The following PCDHGB7 variants were observed in gnomAD, a reference collection of about 807,000 sequenced individuals.
PCDHGB7 encodes protocadherin gamma-B7.
PCDHGB7 carries 37 observed loss-of-function variants against 61.4 expected under a neutral mutation model. The ratio of observed to expected loss-of-function variants is 0.60; its 90% confidence interval spans 0.46 to 0.79. The LOEUF is 0.79. PCDHGB7 is among the 30% of genes least tolerant of loss of function. The pLI is 0.00. For missense variants in PCDHGB7, 1,166 were observed against 1,202.5 expected (o/e 0.97, Z 0.45); for synonymous variants, 464 against 503.5 (o/e 0.92, Z 1.05).
chr5:141,421,227 C>T (rs1387397967), intron 1 of PCDHGB7: 1 of 1,587,020 alleles, frequency 6.3e-7, no homozygotes, highest in Non-Finnish European at 8.6e-7. Context: ...TAGAGCCTGC[C>T]ATGGCGAATC....
At chr5:141,422,501 CCA>C in intron 1 of PCDHGB7, 1 of 1,613,928 alleles carries the variant, frequency 6.2e-7, no homozygotes, top group African/African-American at 1.3e-5. Flanking sequence ...ACGTTGACAG[CCA>C]CAGACCAGGG....
chr5:141,476,306 C>T lies in PCDHGB7; in HGVS notation c.2416-18501C>T, dbSNP rs1011265476. The T allele has an allele frequency of 1.2e-6, 2 of 1,613,464 alleles. No homozygotes were observed. Among genetic ancestry groups the T allele is most frequent in the African/African-American group, 2.7e-5 (2 of 74,688 alleles). On this transcript the variant is annotated intron_variant, in intron 1 of 3. Transcript: ENST00000398594. The surrounding 1 kb of genome is among the most constrained non-coding windows in gnomAD (Gnocchi z 7.6). ...TTTGGATCTCGGTAGCCTCTCAGCCCGCAGGTTCCGGGTGGTGTCTGGAGC... is the reference window on the plus strand; with the variant it reads ...TTTGGATCTCGGTAGCCTCTCAGCCTGCAGGTTCCGGGTGGTGTCTGGAGC...
chr5:141,486,522 A>G lies in PCDHGB7; in HGVS notation c.2416-8285A>G. 1 of 1,614,174 alleles carries G rather than the reference A, an allele frequency of 6.2e-7. No homozygotes were observed. Among genetic ancestry groups the G allele is most frequent in the Non-Finnish European group, 8.5e-7 (1 of 1,180,024 alleles). On this transcript the variant is annotated intron_variant, in intron 1 of 3. Transcript: ENST00000398594. The surrounding 1 kb of genome is among the most constrained non-coding windows in gnomAD (Gnocchi z 5.0). The stretch of plus-strand genomic sequence containing the variant: ...TTCCTCAATATTTCAGATGTGAATG[A>G]TAATCCACCCTCTTTCTTTCAGAGG...
intron 2 of PCDHGB7, among the ~76,000 whole-genome samples, chr5:141,497,642 C>T (rs1426920174): frequency 1.3e-5 from 2 of 151,352 alleles, no homozygotes; most frequent in Middle Eastern, 3.4e-3. Context: ...CAGGTTCAAG[C>T]GATTCTCCTG....
chr5:141,489,348 G>T lies in PCDHGB7; in HGVS notation c.2416-5459G>T. On this transcript the variant is annotated intron_variant, in intron 1 of 3. Coordinates refer to ENST00000398594, the MANE Select transcript of PCDHGB7 (RefSeq NM_018927.4). The surrounding 1 kb of genome is among the most constrained non-coding windows in gnomAD (Gnocchi z 4.5). ...CTGGGCAGCTTCGTTACTCAGTGGT[G>T]GAGGAGTCTGAGCCGGGGACGCTGG... is the stretch of plus-strand genomic sequence containing the variant. 1 of 1,611,876 alleles carries T rather than the reference G, an allele frequency of 6.2e-7. No homozygotes were observed. The highest frequency in any genetic ancestry group is 8.5e-7 in the Non-Finnish European group (1 of 1,178,502).
chr5:141,478,637 G>A (rs1227108157), intron 1 of PCDHGB7: 2 of 1,552,684 alleles, frequency 1.3e-6, no homozygotes, highest in Non-Finnish European at 1.7e-6. Context: ...TTTTAGTGAT[G>A]AAGATGTTTT....
At chr5:141,478,396 G>GT in intron 1 of PCDHGB7, 1 of 1,613,564 alleles carries the variant, frequency 6.2e-7, no homozygotes, top group Non-Finnish European at 8.5e-7. Flanking sequence ...ACCATCAGGT[G>GT]TATCTCACCA....
intron 1 of PCDHGB7, among the ~76,000 whole-genome samples, chr5:141,451,391 T>C (rs928399948): frequency 6.6e-6 from 1 of 152,162 alleles, no homozygotes; most frequent in Non-Finnish European, 1.5e-5. Context: ...ACATAGTTAA[T>C]GGCAAAATTA....
chr5:141,446,289 G>T (rs1333286399), intron 1 of PCDHGB7, among the ~76,000 whole-genome samples: 1 of 152,112 alleles, frequency 6.6e-6, no homozygotes, highest in Non-Finnish European at 1.5e-5. Flanking sequence ...GATAAATGGG[G>T]AGCAGGGATT....
chr5:141,490,565 T>C lies in PCDHGB7; in HGVS notation c.2416-4242T>C. ...CTACACAAACATCTCACCATCAGGC[T>C]CAACATTTCAGATGTCAATGACAAT... On this transcript the variant is annotated intron_variant, in intron 1 of 3. Coordinates refer to ENST00000398594, the MANE Select transcript of PCDHGB7 (RefSeq NM_018927.4). This position sits in a 1 kb window ranked among gnomAD's most constrained non-coding sequence, Gnocchi z 5.4. 8 of 1,614,116 alleles carry C rather than the reference T, an allele frequency of 5.0e-6. No individual in the cohort carries two copies. Among genetic ancestry groups the C allele is most frequent in the Non-Finnish European group, 6.8e-6 (8 of 1,180,024 alleles).
chr5:141,476,196 A>G lies in PCDHGB7; in HGVS notation c.2416-18611A>G, dbSNP rs2099386612. The G allele has an allele frequency of 6.2e-7, 1 of 1,613,852 alleles. No individual in the cohort carries two copies. Among genetic ancestry groups the G allele is most frequent in the South Asian group, 1.1e-5 (1 of 91,074 alleles). ...GTTTTGCTTCTGCTTGGTGCCTTGA[A>G]CAAGGCTTCCACGGTCATTCACTAT... On this transcript the variant is annotated intron_variant, in intron 1 of 3. Coordinates refer to ENST00000398594, the MANE Select transcript of PCDHGB7 (RefSeq NM_018927.4). This position sits in a 1 kb window ranked among gnomAD's most constrained non-coding sequence, Gnocchi z 7.6.
chr5:141,476,071 T>A lies in PCDHGB7; in HGVS notation c.2416-18736T>A. On this transcript the variant is annotated intron_variant, in intron 1 of 3. Transcript: ENST00000398594. The surrounding 1 kb of genome is among the most constrained non-coding windows in gnomAD (Gnocchi z 7.6). ...CCGCTGAAAGTTTCTCAGCGAAATC[T>A]CAGGGACGATCTGGACCCCGCTGAG... 6.6e-7 allele frequency: 1 copy of A among 1,522,792 alleles called. No individual in the cohort carries two copies. The highest frequency in any genetic ancestry group is 8.8e-7 in the Non-Finnish European group (1 of 1,142,680). 94.3% of individuals were successfully genotyped at this position (1,522,792 alleles called of 1,614,324 possible).
intron 1 of PCDHGB7, among the ~76,000 whole-genome samples, chr5:141,466,637 A>G (rs944728391): frequency 1.1e-4 from 16 of 152,234 alleles, no homozygotes; most frequent in Admixed American, 8.5e-4. Flanking sequence ...CATTGTCTCC[A>G]TAAACTTTTC....
intron 1 of PCDHGB7, chr5:141,423,815 C>G (rs1002418139): frequency 7.9e-7 from 1 of 1,271,358 alleles, no homozygotes; most frequent in African/African-American, 1.6e-5. Context: ...GTGAGTTTTA[C>G]TTTGCCTTTC....
intron 1 of PCDHGB7, among the ~76,000 whole-genome samples, chr5:141,439,380 G>C (rs1324859898): frequency 6.6e-6 from 1 of 152,158 alleles, no homozygotes; most frequent in East Asian, 1.9e-4. Flanking sequence ...ATAAAAATAA[G>C]TCATCACTTC....
chr5:141,428,173 C>G, intron 1 of PCDHGB7: 1 of 1,514,730 alleles, frequency 6.6e-7, no homozygotes. Context: ...CTGTGCGTGA[C>G]GGAGGACAGC....
rs762530904 is a variant in PCDHGB7, at chr5:141,422,966, C to T, written c.2415+2692C>T. The T allele has an allele frequency of 2.5e-6, 4 of 1,614,112 alleles. No individual in the cohort carries two copies. The East Asian group carries it at 8.9e-5, about 36-fold the overall frequency. ...GGCTCCACTGGCGTGGAGCTGGCGC[C>T]CCGCTCTGCGGAACCTGGCTACCTG... On this transcript the variant is annotated intron_variant, in intron 1 of 3. Coordinates refer to ENST00000398594, the MANE Select transcript of PCDHGB7 (RefSeq NM_018927.4).
chr5:141,442,697 G>C (rs1443734141), intron 1 of PCDHGB7, among the ~76,000 whole-genome samples: 2 of 152,258 alleles, frequency 1.3e-5, no homozygotes, highest in East Asian at 1.9e-4. Flanking sequence ...AGGCAGACAA[G>C]AGTATCAGAC....
chr5:141,501,292 C>CACAT (rs200296563), intron 2 of PCDHGB7, among the ~76,000 whole-genome samples: 14,029 of 50,334 alleles, frequency 0.28, 723 homozygotes, highest in Admixed American at 0.4. Flanking sequence ...TTCCCTTATA[C>CACAT]ACACACACAC....
Sources: gnomAD v4.1 joint callset for allele counts (sites outside exome capture counted in the v4.1 genomes callset) on GRCh38, gnomAD v4.1.1 for gene constraint, Gnocchi (gnomAD v3.1) non-coding constraint, MANE v1.5 for transcripts, NCBI Gene and HGNC (gene_info 2026-07-23, HGNC 2026-07-21) for gene names.